DOCK7: variants seen among roughly 807,000 people sequenced by gnomAD.
DOCK7 encodes dedicator of cytokinesis protein 7.
DOCK7 carries 138 observed loss-of-function variants against 271.0 expected under a neutral mutation model. The observed-to-expected ratio is 0.51, with a 90% CI of 0.44 to 0.59. DOCK7 has a LOEUF of 0.59. Ranked by LOEUF, DOCK7 falls within the 20% of genes least tolerant of loss-of-function variation. The pLI is 0.00. For missense variants in DOCK7, 2,066 were observed against 2,592.4 expected, an observed-to-expected ratio of 0.80 and a Z score of 4.41; for synonymous variants, 823 against 876.1, an observed-to-expected ratio of 0.94 and a Z score of 1.07.
chr1:62,489,586 T>C (rs138535663), intron 41 of DOCK7, among the ~76,000 whole-genome samples: 1 of 152,228 alleles, frequency 6.6e-6, no homozygotes, highest in East Asian at 1.9e-4. Flanking sequence ...TAAATGGGTA[T>C]GTATGTAGAT....
chr1:62,481,717 T>A (rs181388042), intron 43 of DOCK7: 8 of 152,338 alleles, frequency 5.3e-5, no homozygotes, highest in Admixed American at 3.9e-4. Flanking sequence ...TAAGACTATG[T>A]CCGGGACGAA....
chr1:62,555,121 C>G (rs1271444742), intron 21 of DOCK7, among the ~76,000 whole-genome samples: 2 of 152,186 alleles, frequency 1.3e-5, no homozygotes, highest in Non-Finnish European at 2.9e-5. Flanking sequence ...ACTAAGACAT[C>G]TCCCACCGTT....
At chr1:62,586,095 T>A (rs1036465618) in intron 15 of DOCK7, among the ~76,000 whole-genome samples, 1 of 152,066 alleles carries the variant, frequency 6.6e-6, no homozygotes, top group African/African-American at 2.4e-5. Context: ...ATACCACACA[T>A]CACTTCCCAC....
intron 43 of DOCK7, chr1:62,481,536 T>C (rs1481066081): frequency 2.0e-5 from 3 of 152,108 alleles, no homozygotes; most frequent in Non-Finnish European, 4.4e-5. Flanking sequence ...TGTTTTTCTT[T>C]TGAATTAAAA....
At chr1:62,457,321 G>A (rs146756898) in intron 49 of DOCK7, among the ~76,000 whole-genome samples, 14 of 152,270 alleles carry the variant, frequency 9.2e-5, no homozygotes, top group Non-Finnish European at 1.5e-5. Flanking sequence ...CTGACATGAT[G>A]CTCAAAGGAA....
At chr1:62,662,035 A>T (rs139499897) in intron 2 of DOCK7, among the ~76,000 whole-genome samples, 17 of 152,196 alleles carry the variant, frequency 1.1e-4, no homozygotes, top group Non-Finnish European at 2.2e-4. Context: ...TTAGTAACAC[A>T]AACATTATAT....
Position 62,624,807 on chromosome 1 carries a change from T to C in DOCK7, c.1425+452A>G, listed in dbSNP as rs527824970. Reference sequence around the variant, plus strand: ...TGGCCAACATTTAGTATCCTGTCTCTACTAAAAAATACAAAAATTGGCCAG... The same window carrying C: ...TGGCCAACATTTAGTATCCTGTCTCCACTAAAAAATACAAAAATTGGCCAG... On this transcript the variant is annotated intron_variant, in intron 12 of 49. Coordinates refer to ENST00000635253, the MANE Select transcript of DOCK7 (RefSeq NM_001367561.1). 2.6e-5 allele frequency among the ~76,000 whole-genome samples: 4 copies of C among 152,144 alleles called. No individual in the cohort carries two copies. In the East Asian group the frequency reaches 7.8e-4, roughly 30 times the overall value.
intron 22 of DOCK7, among the ~76,000 whole-genome samples, chr1:62,550,933 C>A (rs886597228): frequency 6.6e-6 from 1 of 151,990 alleles, no homozygotes; most frequent in Non-Finnish European, 1.5e-5. Flanking sequence ...GTTGGCCAGG[C>A]TGGTTTTGAA....
intron 14 of DOCK7, among the ~76,000 whole-genome samples, chr1:62,607,196 CA>C (rs59952505): frequency 0.42 from 63,757 of 151,172 alleles, 15,187 homozygotes; most frequent in African/African-American, 0.66. Context: ...AAGACTGACT[CA>C]AAAAAAAATA....
intron 28 of DOCK7, among the ~76,000 whole-genome samples, chr1:62,535,985 AC>A (rs1424244345): frequency 1.3e-5 from 2 of 152,178 alleles, no homozygotes; most frequent in African/African-American, 2.4e-5. Context: ...GTATGCACTT[AC>A]CCCAAAGTAC....
chr1:62,590,068 G>A (rs971970074), intron 14 of DOCK7, among the ~76,000 whole-genome samples: 17 of 151,780 alleles, frequency 1.1e-4, no homozygotes, highest in African/African-American at 3.6e-4. Flanking sequence ...ACCAAAGGAA[G>A]AAAATATAAG....
chr1:62,527,874 T>TAAAAA (rs34335688), intron 31 of DOCK7, among the ~76,000 whole-genome samples: 1 of 135,552 alleles, frequency 7.4e-6, no homozygotes, highest in Non-Finnish European at 1.6e-5. Context: ...ACTTAAAGTA[T>TAAAAA]AAAAAAAAAA....
chr1:62,484,557 A>G (rs1221625391), intron 43 of DOCK7: 1 of 152,126 alleles, frequency 6.6e-6, no homozygotes, highest in East Asian at 1.9e-4. Context: ...TGGCACCATC[A>G]TAGCTCACTG....
chr1:62,479,795 C>A, intron 43 of DOCK7: 1 of 248,920 alleles, frequency 4.0e-6, no homozygotes, highest in South Asian at 4.3e-5. Flanking sequence ...GCGATCCTTC[C>A]ACCTCAGTCT....
At chr1:62,533,205 T>A (rs545850060) in intron 29 of DOCK7, among the ~76,000 whole-genome samples, 1 of 152,176 alleles carries the variant, frequency 6.6e-6, no homozygotes, top group South Asian at 2.1e-4. Context: ...TAATAAATAA[T>A]AAAAATCCTA....
At chr1:62,639,988 A>G (rs1655791488) in intron 7 of DOCK7, among the ~76,000 whole-genome samples, 1 of 152,072 alleles carries the variant, frequency 6.6e-6, no homozygotes, top group African/African-American at 2.4e-5. Flanking sequence ...TTTTTATACT[A>G]TCAAACATAG....
At chr1:62,633,893 G>GCCT in intron 9 of DOCK7, 1 of 209,070 alleles carries the variant, frequency 4.8e-6, no homozygotes, top group East Asian at 1.1e-4. Flanking sequence ...GCCCACATTA[G>GCCT]CCTCACCTAT....
chr1:62,578,420 T>A (rs1232633180), intron 17 of DOCK7, among the ~76,000 whole-genome samples: 1 of 152,018 alleles, frequency 6.6e-6, no homozygotes, highest in Non-Finnish European at 1.5e-5. Context: ...ACAAGAAATA[T>A]TTAAATAACA....
intron 21 of DOCK7, among the ~76,000 whole-genome samples, chr1:62,553,348 ATATATATTTTTTTTTTTTTTTT>A (rs1218290368): frequency 0.075 from 1,684 of 22,320 alleles, 16 homozygotes; most frequent in Non-Finnish European, 0.092. Context: ...ATATATATAT[ATATATATTTTTTTTTTTTTTTT>A]TTTTTTTTTT....
Sources: allele counts gnomAD v4.1 joint callset (sites outside exome capture counted in the v4.1 genomes callset), GRCh38; gene constraint gnomAD v4.1.1; transcripts MANE v1.5; gene names NCBI Gene and HGNC (gene_info 2026-07-23, HGNC 2026-07-21).